CELF6: variants seen among roughly 807,000 people sequenced by gnomAD.
The protein encoded by CELF6 is Bruno -like 6, RNA binding protein.
CELF6 carries 32 observed loss-of-function variants against 53.1 expected under a neutral mutation model. The ratio of observed to expected loss-of-function variants is 0.60; its 90% CI spans 0.46 to 0.81. CELF6 has a LOEUF of 0.81. CELF6 is among the 30% of genes least tolerant of loss of function. The probability of loss-of-function intolerance (pLI) is 0.00; values close to 1 mark genes in which losing one functional copy is unlikely to be tolerated. For synonymous variants in CELF6, 291 were observed against 288.8 expected (o/e 1.01, Z -0.08); for missense variants, 539 against 669.5 (o/e 0.81, Z 2.15).
Position 72,311,399 on chromosome 15 carries a change from T to A in CELF6, c.345+4446A>T, listed in dbSNP as rs922146271. On this transcript the variant is annotated intron_variant, in intron 2 of 12. Coordinates refer to ENST00000287202, the MANE Select transcript of CELF6 (RefSeq NM_052840.5). Reference sequence around the variant, plus strand: ...TGAGTGAGATGCAATGAGGCTCACCTTTTTTCTTTTTTTTTTTTTTTGAGA... The same window carrying A: ...TGAGTGAGATGCAATGAGGCTCACCATTTTTCTTTTTTTTTTTTTTTGAGA... Among the ~76,000 whole-genome samples the A allele has an allele frequency of 3.6e-5, 5 of 139,084 alleles. No individual in the cohort carries two copies. In the East Asian group the frequency reaches 5.9e-4, roughly 16 times the overall value. 91.2% of individuals were successfully genotyped at this position (139,084 alleles called of 152,430 possible).
rs1007751026 is a variant in CELF6, at chr15:72,288,680, A to G, written c.1094-62T>C. ...GAGCCCTTCCCCAAGCAGGGCCCCA[A>G]CTGCCTGGCCGCTTTTGACCAATTC... On this transcript the variant is annotated intron_variant, in intron 9 of 12. Transcript: ENST00000287202. This position sits in a 1 kb window ranked among gnomAD's most constrained non-coding sequence, Gnocchi z 4.6. 2.0e-6 allele frequency: 3 copies of G among 1,491,298 alleles called. No homozygotes were observed. The highest frequency in any genetic ancestry group is 2.7e-6 in the Non-Finnish European group (3 of 1,093,868). The allele number at this position is 1,491,298 out of a possible 1,614,324, so 92.4% of individuals were successfully genotyped here. A position where few individuals can be genotyped will look rare whatever the true frequency, so the allele number is the denominator to read the frequency against.
At chr15:72,315,325 A>T (rs6494999) in intron 2 of CELF6, among the ~76,000 whole-genome samples, 24,675 of 152,182 alleles carry the variant, frequency 0.16, 5,756 homozygotes, top group African/African-American at 0.52. Flanking sequence ...CCTACAAGCC[A>T]AGCTGCCTGT....
chr15:72,313,324 C>T (rs1471707871), intron 2 of CELF6, among the ~76,000 whole-genome samples: 2 of 152,184 alleles, frequency 1.3e-5, no homozygotes, highest in Non-Finnish European at 2.9e-5. Context: ...AGGCCTGGTG[C>T]GGTGGCTCAT....
Position 72,288,691 on chromosome 15 carries a change from G to A in CELF6, c.1094-73C>T, listed in dbSNP as rs560573316. 7.4e-4 allele frequency: 1,070 copies of A among 1,452,048 alleles called. 18 individuals are homozygous for A. In the South Asian group the frequency reaches 0.012, roughly 16 times the overall value. The allele number at this position is 1,452,048 out of a possible 1,614,324, so 89.9% of individuals were successfully genotyped here. ...CAAGCAGGGCCCCAACTGCCTGGCC[G>A]CTTTTGACCAATTCAGCCCAGTCCA... is the stretch of plus-strand genomic sequence containing the variant. On this transcript the variant is annotated intron_variant, in intron 9 of 12. Transcript: ENST00000287202. This position sits in a 1 kb window ranked among gnomAD's most constrained non-coding sequence, Gnocchi z 4.6.
At chr15:72,303,853 G>A (rs2088189574) in intron 3 of CELF6, among the ~76,000 whole-genome samples, 1 of 145,792 alleles carries the variant, frequency 6.9e-6, no homozygotes, top group South Asian at 2.1e-4. Context: ...ATGTGGTTTT[G>A]TTTTTGTTTT....
intron 3 of CELF6, among the ~76,000 whole-genome samples, chr15:72,302,295 A>G (rs1417157380): frequency 1.3e-5 from 2 of 152,234 alleles, no homozygotes; most frequent in African/African-American, 4.8e-5. Context: ...CCAAACCTGC[A>G]AGAAGGATTA....
At chr15:72,310,696 G>C (rs1388752049) in intron 2 of CELF6, among the ~76,000 whole-genome samples, 1 of 151,914 alleles carries the variant, frequency 6.6e-6, no homozygotes, top group African/African-American at 2.4e-5. Flanking sequence ...TCACTATGTT[G>C]TCCAGGCTGG....
chr15:72,299,520 C>T (rs201826050), intron 3 of CELF6, among the ~76,000 whole-genome samples: 8 of 151,786 alleles, frequency 5.3e-5, no homozygotes, highest in South Asian at 2.1e-4. Context: ...CCACCAAGCC[C>T]GGCTAATTTT....
Position 72,287,368 on chromosome 15 carries a change from G to T in CELF6, c.1343C>A (p.Thr448Asn), listed in dbSNP as rs1362727240. The T allele has an allele frequency of 3.1e-6, 5 of 1,614,058 alleles. No homozygotes were observed. Among genetic ancestry groups the T allele is most frequent in the Non-Finnish European group, 4.2e-6 (5 of 1,180,008 alleles). ...CGCCTGAATAGCAGTCTGGGCACTA[G>T]TTGGATTGTCAAAACTAACAAACCC... is the stretch of plus-strand genomic sequence containing the variant. ...CFGFVSFDNP[T>N]SAQTAIQAMN... Residue 448 changes from threonine to asparagine, a missense_variant, in exon 12 of 13, where the codon ACT (threonine) becomes AAT (asparagine). By Grantham distance (65) the Thr-to-Asn change is moderately conservative. Around this residue, in one of 3 missense-constraint regions of CELF6, gnomAD observed 358 missense variants for 412.8 expected, o/e 0.87. Transcript: ENST00000287202.
intron 3 of CELF6, among the ~76,000 whole-genome samples, chr15:72,302,408 ACTCTTTTTCAGCTAGATTTGCTTTTCCTG>A (rs2141197146): frequency 6.6e-6 from 1 of 152,026 alleles, no homozygotes; most frequent in South Asian, 2.1e-4. Flanking sequence ...GCCAGGCAAT[ACTCTTTTTCAGCTAGATTTGCTTTTCCTG>A]CTCTTTTAAA....
rs531873016 is a variant in CELF6 at position 72,312,823 on chromosome 15, G to C, written c.345+3022C>G. On this transcript the variant is annotated intron_variant, in intron 2 of 12. Transcript: ENST00000287202. ...GTGCTCAGGACCCAATGGCAGCAGAGAGCTGGGCACTCCTCCTCCATGCTG... is the reference window on the plus strand; with the variant it reads ...GTGCTCAGGACCCAATGGCAGCAGACAGCTGGGCACTCCTCCTCCATGCTG... Among the ~76,000 whole-genome samples the C allele has an allele frequency of 2.0e-5, 3 of 152,348 alleles. No homozygotes were observed. The South Asian group carries it at 6.2e-4, about 32-fold the overall frequency.
chr15:72,315,785 G>A, intron 2 of CELF6, 60 bp downstream of exon 2: 10 of 1,178,542 alleles, frequency 8.5e-6, no homozygotes, highest in Non-Finnish European at 1.1e-5. Flanking sequence ...GCTTTGGCAT[G>A]CACACAGGGC....
chr15:72,306,555 A>G (rs1163027222), intron 2 of CELF6, among the ~76,000 whole-genome samples: 18 of 92,356 alleles, frequency 1.9e-4, no homozygotes, highest in East Asian at 7.0e-4. Flanking sequence ...AGGGCTTACT[A>G]AAAAAAAAAA....
At chr15:72,318,964 G>C (rs1017865888) in intron 1 of CELF6, among the ~76,000 whole-genome samples, 2 of 152,212 alleles carry the variant, frequency 1.3e-5, no homozygotes, top group African/African-American at 4.8e-5. Flanking sequence ...CGAAGGGCAG[G>C]AGAGATTGGG....
chr15:72,311,742 T>A (rs1338568616), intron 2 of CELF6, among the ~76,000 whole-genome samples: 1 of 152,182 alleles, frequency 6.6e-6, no homozygotes, highest in Admixed American at 6.5e-5. Context: ...GGGCAAAGAC[T>A]CAGACTCATT....
intron 2 of CELF6, among the ~76,000 whole-genome samples, chr15:72,305,798 C>T (rs1481261958): frequency 6.6e-6 from 1 of 152,092 alleles, no homozygotes; most frequent in Non-Finnish European, 1.5e-5. Flanking sequence ...CTGGACATCC[C>T]CACTAGAAAG....
chr15:72,285,986 T>C lies in CELF6; in HGVS notation c.*385A>G, dbSNP rs527533615. The C allele has an allele frequency of 1.6e-4, 25 of 152,748 alleles. No individual in the cohort carries two copies. The highest frequency in any genetic ancestry group is 3.4e-3 in the Middle Eastern group (1 of 294). The allele number at this position is 152,748 out of a possible 1,614,324, so 9.5% of individuals were successfully genotyped here. ...TTGTTTGTTTCTTTGTTTTAATTTA[T>C]ATAGATATATATATTCTTAAAAAAG... is the stretch of plus-strand genomic sequence containing the variant. On this transcript the variant is annotated 3_prime_UTR_variant, in exon 13 of 13. Transcript: ENST00000287202.
At position 72,294,173 on chromosome 15, in the gene CELF6, A is replaced by G. The variant is rs2088044669; in HGVS notation, c.395-3918T>C. Reference sequence around the variant, plus strand: ...CTACTTCTTCAGAAAGGGCACCAGGATGCTGTTCAAGGAAGGAGCGTCTGC... The same window carrying G: ...CTACTTCTTCAGAAAGGGCACCAGGGTGCTGTTCAAGGAAGGAGCGTCTGC... On this transcript the variant is annotated intron_variant, in intron 3 of 12. Transcript: ENST00000287202. Among the ~76,000 whole-genome samples, 2 of 152,216 alleles carry G rather than the reference A, an allele frequency of 1.3e-5. 1 individual carries two copies. The highest frequency in any genetic ancestry group is 4.1e-4 in the South Asian group (2 of 4,830).
chr15:72,312,197 G>T (rs2088305603), intron 2 of CELF6, among the ~76,000 whole-genome samples: 1 of 152,192 alleles, frequency 6.6e-6, no homozygotes, highest in South Asian at 2.1e-4. Context: ...TGCAGGAGGT[G>T]GGAGCCAGGT....
Sources: gnomAD v4.1 joint callset for allele counts (sites outside exome capture counted in the v4.1 genomes callset) on GRCh38, gnomAD v4.1.1 for gene constraint, gnomAD v4.1.1 regional missense constraint, Gnocchi (gnomAD v3.1) non-coding constraint, MANE v1.5 for transcripts, NCBI Gene and HGNC (gene_info 2026-07-23, HGNC 2026-07-21) for gene names.